TNFRSF10A: variants seen among roughly 807,000 people sequenced by gnomAD.
TNFRSF10A encodes tumor necrosis factor receptor superfamily member 10A.
In TNFRSF10A, 44 loss-of-function variants were observed where a neutral mutation model predicts 42.8. The observed-to-expected ratio is 1.03, with a 90% CI of 0.81 to 1.32. The LOEUF (loss-of-function observed/expected upper bound fraction) is 1.32. Ranked by LOEUF, TNFRSF10A falls within the 40% of genes most tolerant of loss-of-function variation. TNFRSF10A has a pLI of 0.00. For missense variants in TNFRSF10A, 680 were observed against 602.0 expected (o/e 1.13, Z -1.36); for synonymous variants, 259 against 234.2 (o/e 1.11, Z -0.97).
chr8:23,224,572 G>A (rs979300500), intron 1 of TNFRSF10A, 184 bp downstream of exon 1: 11 of 743,508 alleles, frequency 1.5e-5, no homozygotes, highest in African/African-American at 1.3e-4. Context: ...CCAGGCCCGG[G>A]TCGCTCCTGC....
chr8:23,224,767 C>G lies in TNFRSF10A; in HGVS notation c.295G>C (p.Val99Leu), dbSNP rs765900944. 6.4e-7 allele frequency: 1 copy of G among 1,566,872 alleles called. No homozygotes were observed. The highest frequency in any genetic ancestry group is 8.7e-7 in the Non-Finnish European group (1 of 1,155,994). Residue 99 changes from valine (V) to leucine (L), a missense_variant, in exon 1 of 10, where the codon GTC becomes CTC. Val to Leu is a conservative substitution (Grantham distance 32, BLOSUM62 1). Coordinates refer to ENST00000221132, the MANE Select transcript of TNFRSF10A (RefSeq NM_003844.4). ...HKTFKFVVVG[V>L]LLQVVPSSAA... ...CGGTGGGGACTCACCTGCAGCAGGA[C>G]CCCGACGACGACAAACTTGAAGGTC...
At position 23,224,869 on chromosome 8, in the gene TNFRSF10A, T is replaced by C. The variant is rs377094679; in HGVS notation, c.193A>G (p.Ser65Gly). Reference protein sequence around the residue: ...LPTSMGQHGPSARARAGRAPG... With the variant: ...LPTSMGQHGPGARARAGRAPG... ...GCGCGCCCTGCCCGGGCCCGGGCAC[T>C]GGGTCCGTGCTGTCCCATGGAGGTA... The change falls in exon 1 of 10, where the codon AGT becomes GGT. Residue 65 changes from serine to glycine, a missense_variant. By Grantham distance (56) the Ser-to-Gly change is moderately conservative (BLOSUM62 0). Coordinates refer to ENST00000221132, the MANE Select transcript of TNFRSF10A (RefSeq NM_003844.4). 2.4e-4 allele frequency: 381 copies of C among 1,576,728 alleles called. No individual in the cohort carries two copies. Among genetic ancestry groups the C allele is most frequent in the Non-Finnish European group, 3.1e-4 (359 of 1,161,394 alleles).
At position 23,191,835 on chromosome 8, in the gene TNFRSF10A, G is replaced by T; in HGVS notation, c.1266C>A (p.Asn422Lys). The change falls in exon 10 of 10, where the codon AAC becomes AAA. Residue 422 changes from asparagine (N) to lysine (K), a missense_variant. Coordinates refer to ENST00000221132, the MANE Select transcript of TNFRSF10A (RefSeq NM_003844.4). ...CATCCAGCAGGGTGTGGATCGAGGC[G>T]TTCCGTCCAGTTTTGTTGACCCATT... Reference protein sequence around the residue: ...LMKWVNKTGRNASIHTLLDAL... With the variant: ...LMKWVNKTGRKASIHTLLDAL... The T allele has an allele frequency of 1.9e-6, 3 of 1,612,626 alleles. No individual in the cohort carries two copies. Among genetic ancestry groups the T allele is most frequent in the Non-Finnish European group, 2.5e-6 (3 of 1,179,458 alleles).
intron 2 of TNFRSF10A, among the ~76,000 whole-genome samples, chr8:23,208,244 C>T (rs1158373313): frequency 6.6e-6 from 1 of 152,124 alleles, no homozygotes; most frequent in Non-Finnish European, 1.5e-5. Flanking sequence ...TTGTCCCTTC[C>T]CTAGAGATCT....
chr8:23,196,269 C>T (rs1240935085), intron 9 of TNFRSF10A, among the ~76,000 whole-genome samples: 1 of 152,172 alleles, frequency 6.6e-6, no homozygotes, highest in East Asian at 1.9e-4. Flanking sequence ...TCTTGGCTCA[C>T]TGCAAGCTCT....
At chr8:23,207,705 T>C (rs1801036144) in intron 2 of TNFRSF10A, among the ~76,000 whole-genome samples, 2 of 152,222 alleles carry the variant, frequency 1.3e-5, no homozygotes, top group South Asian at 4.1e-4. Flanking sequence ...TCTCATAAGA[T>C]CTGATGGTTA....
intron 2 of TNFRSF10A, among the ~76,000 whole-genome samples, chr8:23,203,223 C>G (rs923081816): frequency 2.6e-5 from 4 of 152,116 alleles, no homozygotes; most frequent in African/African-American, 9.7e-5. Context: ...GGCCTAGAGA[C>G]CAGGGCAATG....
chr8:23,201,716 G>A (rs1327807407), intron 4 of TNFRSF10A, 92 bp downstream of exon 4: 1 of 1,193,414 alleles, frequency 8.4e-7, no homozygotes, highest in African/African-American at 1.5e-5. Context: ...AGGGCTGATA[G>A]ATACGGGTAC....
At chr8:23,203,177 A>C (rs1453175490) in intron 2 of TNFRSF10A, among the ~76,000 whole-genome samples, 1 of 152,214 alleles carries the variant, frequency 6.6e-6, no homozygotes, top group Non-Finnish European at 1.5e-5. Context: ...ATCTCAATTC[A>C]AAGTGGCTGT....
At chr8:23,207,083 G>C (rs147593370) in intron 2 of TNFRSF10A, 50 of 525,994 alleles carry the variant, frequency 9.5e-5, no homozygotes, top group African/African-American at 8.3e-4. Flanking sequence ...AGACTCTGGA[G>C]AGCACCCCCA....
At chr8:23,213,982 T>C (rs756970602) in intron 1 of TNFRSF10A, among the ~76,000 whole-genome samples, 22 of 152,186 alleles carry the variant, frequency 1.4e-4, no homozygotes, top group South Asian at 6.2e-4. Flanking sequence ...CATGGATAAG[T>C]TCTTTAGTGG....
rs763343735 is a variant in TNFRSF10A at position 23,197,184 on chromosome 8, C to T, written c.1035G>A (p.Gly345=). 8 of 1,614,164 alleles carry T rather than the reference C, an allele frequency of 5.0e-6. No homozygotes were observed. The African/African-American group carries it at 8.0e-5, about 16-fold the overall frequency. The stretch of plus-strand genomic sequence containing the variant: ...GAACCAGCAGCCTCCTCCTCTGAGA[C>T]CCTTCAGCTTCTGCCGGTCCCTGTA... ...QCLLGPAEAE[G]SQRRRLLVPA... Residue 345 remains glycine (G), a synonymous_variant, in exon 9 of 10, where the codon GGG becomes GGA. Coordinates refer to ENST00000221132, the MANE Select transcript of TNFRSF10A (RefSeq NM_003844.4).
Position 23,191,765 on chromosome 8 carries a change from C to A in TNFRSF10A, c.1336G>T (p.Asp446Tyr), listed in dbSNP as rs1387404935. The change falls in exon 10 of 10, where the codon GAC becomes TAC. Residue 446 changes from aspartate to tyrosine, a missense_variant. Asp to Tyr is a radical substitution (Grantham distance 160). Transcript: ENST00000221132. Reference protein sequence around the residue: ...EERHAREKIQDLLVDSGKFIY... With the variant: ...EERHAREKIQYLLVDSGKFIY... ...AACTTTCCAGAGTCCACCAAGAGGT[C>A]CTGAATCTTCTCTCTTGCATGTCTC... 1 of 1,614,184 alleles carries A rather than the reference C, an allele frequency of 6.2e-7. No homozygotes were observed. The highest frequency in any genetic ancestry group is 1.7e-5 in the Admixed American group (1 of 60,016).
chr8:23,201,935 A>G lies in TNFRSF10A; in HGVS notation c.518-16T>C, dbSNP rs1483468901. On this transcript the variant is annotated splice_polypyrimidine_tract_variant and intron_variant, in intron 3 of 9. Transcript: ENST00000221132. ...TCTTCTTCATCTGATGACAGAGTACAAGGTTTTGGGAATGTGTTTCCCTGA... is the reference window on the plus strand; with the variant it reads ...TCTTCTTCATCTGATGACAGAGTACGAGGTTTTGGGAATGTGTTTCCCTGA... The G allele has an allele frequency of 1.9e-6, 3 of 1,611,730 alleles. No individual in the cohort carries two copies. The highest frequency in any genetic ancestry group is 2.5e-6 in the Non-Finnish European group (3 of 1,178,190).
chr8:23,207,773 C>T (rs1044666200), intron 2 of TNFRSF10A, among the ~76,000 whole-genome samples: 1 of 152,038 alleles, frequency 6.6e-6, no homozygotes, highest in African/African-American at 2.4e-5. Flanking sequence ...CCATGTAAGA[C>T]ATGACTTGCT....
At chr8:23,200,350 C>T (rs1186449828) in intron 6 of TNFRSF10A, among the ~76,000 whole-genome samples, 155 bp downstream of exon 6, 1 of 151,900 alleles carries the variant, frequency 6.6e-6, no homozygotes, top group African/African-American at 2.4e-5. Flanking sequence ...CCTAGGGTTG[C>T]ACAGGATGGG....
At chr8:23,208,877 T>C (rs1161060484) in intron 2 of TNFRSF10A, among the ~76,000 whole-genome samples, 3 of 152,222 alleles carry the variant, frequency 2.0e-5, no homozygotes, top group Admixed American at 2.0e-4. Context: ...TAAATTTGCA[T>C]AAGTAATGAG....
intron 2 of TNFRSF10A, 69 bp downstream of exon 2, chr8:23,212,047 A>T: frequency 7.4e-7 from 1 of 1,355,012 alleles, no homozygotes; most frequent in South Asian, 1.2e-5. Context: ...TTTTGAGATA[A>T]TTTTTGTATA....
chr8:23,215,045 T>C (rs1161830237), intron 1 of TNFRSF10A, among the ~76,000 whole-genome samples: 1 of 152,148 alleles, frequency 6.6e-6, no homozygotes. Flanking sequence ...AGGATTGTAT[T>C]GTGGTTATAC....
Sources: allele counts gnomAD v4.1 joint callset (sites outside exome capture counted in the v4.1 genomes callset), GRCh38; gene constraint gnomAD v4.1.1; transcripts MANE v1.5; gene names NCBI Gene and HGNC (gene_info 2026-07-23, HGNC 2026-07-21).